COQ8A: variants seen among roughly 807,000 people sequenced by gnomAD.
COQ8A encodes the protein coenzyme Q8A.
COQ8A carries 51 observed loss-of-function variants against 65.0 expected under a neutral mutation model. That is an observed-to-expected ratio of 0.78 (90% confidence interval 0.63 to 0.99). COQ8A has a LOEUF of 0.99. Ranked by LOEUF, COQ8A falls within the 50% of genes least tolerant of loss-of-function variation. The pLI, the probability that COQ8A is intolerant of heterozygous loss-of-function variation, is 0.00. For missense variants in COQ8A, 940 were observed against 875.0 expected, an observed-to-expected ratio of 1.07 and a Z score of -0.94; for synonymous variants, 371 against 353.2, an observed-to-expected ratio of 1.05 and a Z score of -0.57.
intron 1 of COQ8A, among the ~76,000 whole-genome samples, chr1:226,956,520 T>C (rs1357611838): frequency 9.3e-6 from 1 of 107,136 alleles, no homozygotes; most frequent in African/African-American, 4.3e-5. Context: ...TCTCCCTGGC[T>C]CCCACTCCCT....
intron 1 of COQ8A, among the ~76,000 whole-genome samples, chr1:226,956,644 TG>T: frequency 1.1e-5 from 1 of 89,754 alleles, no homozygotes. Flanking sequence ...TCTCCCTGGC[TG>T]CCACTCTCCC....
At chr1:226,943,453 G>C (rs1325341382) in intron 1 of COQ8A, among the ~76,000 whole-genome samples, 2 of 152,196 alleles carry the variant, frequency 1.3e-5, no homozygotes, top group Non-Finnish European at 2.9e-5. Context: ...TGGAGGGGTG[G>C]GAGCCCCACG....
intron 2 of COQ8A, among the ~76,000 whole-genome samples, chr1:226,962,649 C>T (rs773723662): frequency 1.3e-5 from 2 of 152,196 alleles, no homozygotes; most frequent in South Asian, 2.1e-4. Flanking sequence ...GCTGTGAGGC[C>T]GTCGCAGCCC....
At chr1:226,982,409 T>G (rs1243216629) in intron 6 of COQ8A, 1 of 645,630 alleles carries the variant, frequency 1.5e-6, no homozygotes, top group South Asian at 2.0e-5. Context: ...TTACTATGTT[T>G]TATTTTCCAA....
chr1:226,977,873 C>G (rs1204467882), intron 5 of COQ8A, among the ~76,000 whole-genome samples: 1 of 151,354 alleles, frequency 6.6e-6, no homozygotes, highest in African/African-American at 2.4e-5. Context: ...CCACCGAACA[C>G]CCGCAGACCT....
At chr1:226,944,802 T>C (rs897927196) in intron 1 of COQ8A, among the ~76,000 whole-genome samples, 40 of 144,710 alleles carry the variant, frequency 2.8e-4, no homozygotes, top group African/African-American at 1.0e-3. Flanking sequence ...TGTGTGTGTA[T>C]GTGTAGAAGG....
intron 1 of COQ8A, among the ~76,000 whole-genome samples, chr1:226,955,436 C>G (rs1657635670): frequency 6.8e-6 from 1 of 147,212 alleles, no homozygotes; most frequent in Non-Finnish European, 1.5e-5. Context: ...CTCCCTGGTT[C>G]ACACTCTCCT....
intron 1 of COQ8A, among the ~76,000 whole-genome samples, chr1:226,942,462 A>G (rs982672015): frequency 1.3e-5 from 2 of 152,072 alleles, no homozygotes; most frequent in Non-Finnish European, 2.9e-5. Context: ...TCTCGGGGAT[A>G]CTGCAAGACT....
At chr1:226,976,487 G>T (rs889685953) in intron 4 of COQ8A, among the ~76,000 whole-genome samples, 1 of 152,126 alleles carries the variant, frequency 6.6e-6, no homozygotes, top group Non-Finnish European at 1.5e-5. Flanking sequence ...CTCCGAGGCC[G>T]GCTCATCGTG....
chr1:226,973,672 C>T (rs1659028723), intron 4 of COQ8A, among the ~76,000 whole-genome samples: 1 of 152,240 alleles, frequency 6.6e-6, no homozygotes, highest in South Asian at 2.1e-4. Flanking sequence ...CCTGTCCTCC[C>T]CTGAGGCTGG....
intron 1 of COQ8A, among the ~76,000 whole-genome samples, chr1:226,947,271 G>A (rs535179888): frequency 6.6e-6 from 1 of 152,302 alleles, no homozygotes; most frequent in South Asian, 2.1e-4. Flanking sequence ...GCCTGAGTCA[G>A]ACAGGTGTGG....
chr1:226,964,130 C>G (rs1210717277), intron 2 of COQ8A, among the ~76,000 whole-genome samples: 1 of 152,228 alleles, frequency 6.6e-6, no homozygotes, highest in Admixed American at 6.5e-5. Context: ...ATCCTGCTGT[C>G]TGCATACCCT....
chr1:226,952,422 TA>T (rs1235001863), intron 1 of COQ8A, among the ~76,000 whole-genome samples: 2 of 152,222 alleles, frequency 1.3e-5, no homozygotes, highest in African/African-American at 4.8e-5. Context: ...TCTTTTATTT[TA>T]TTTTTTTTGA....
intron 5 of COQ8A, among the ~76,000 whole-genome samples, chr1:226,978,478 C>T (rs1234263896): frequency 1.4e-5 from 2 of 146,760 alleles, no homozygotes; most frequent in African/African-American, 5.1e-5. Flanking sequence ...CACCAAATAC[C>T]TGCACACCTC....
At position 226,961,511 on chromosome 1, in the gene COQ8A, C is replaced by G; in HGVS notation, c.126C>G (p.Ala42=). Residue 42 remains alanine (A), a synonymous_variant, in exon 2 of 15, where the codon GCC becomes GCG. Coordinates refer to ENST00000366777, the MANE Select transcript of COQ8A (RefSeq NM_020247.5). ...GGGAGCTGATCATGGCGGCCAGGGC[C>G]CTGCAGTCCACGGCTGTGGAGCAGA... ...IGGELIMAAR[A]LQSTAVEQIG... The G allele has an allele frequency of 1.9e-6, 3 of 1,613,852 alleles. No homozygotes were observed. The African/African-American group carries it at 4.0e-5, about 21-fold the overall frequency.
chr1:226,965,581 G>A lies in COQ8A; in HGVS notation c.589-90G>A, dbSNP rs1365399172. The A allele has an allele frequency of 5.9e-6, 9 of 1,527,186 alleles. No homozygotes were observed. In the East Asian group the frequency reaches 1.6e-4, roughly 27 times the overall value. 94.6% of individuals were successfully genotyped at this position (1,527,186 alleles called of 1,614,324 possible). ...CAGGCGGAGCTGCTGACTGTGGGGT[G>A]GAGAGGAGATGTGGGGGCAACAGGA... is the stretch of plus-strand genomic sequence containing the variant. On this transcript the variant is annotated intron_variant, in intron 3 of 14. Coordinates refer to ENST00000366777, the MANE Select transcript of COQ8A (RefSeq NM_020247.5).
chr1:226,977,400 G>A (rs909881033), intron 4 of COQ8A, 49 bp from the exon 5 acceptor site: 1 of 1,531,984 alleles, frequency 6.5e-7, no homozygotes, highest in Non-Finnish European at 8.8e-7. Flanking sequence ...GCGAGCGGGT[G>A]GCCCCAGCCC....
At chr1:226,953,177 A>G (rs182936343) in intron 1 of COQ8A, among the ~76,000 whole-genome samples, 1 of 152,032 alleles carries the variant, frequency 6.6e-6, no homozygotes, top group Non-Finnish European at 1.5e-5. Flanking sequence ...TTACAGGCGC[A>G]TGCCACCACG....
In COQ8A at chr1:226,985,234, C is replaced by G. The variant is rs2297416; in HGVS notation, c.1573-20C>G. On this transcript the variant is annotated intron_variant, in intron 13 of 14. Coordinates refer to ENST00000366777, the MANE Select transcript of COQ8A (RefSeq NM_020247.5). ...GAGCTTTTCATGCTGCCCACGGTCC[C>G]CTCCTGTGCCTCTCCCCAGATCATC... The G allele has an allele frequency of 0.42, 681,731 of 1,611,684 alleles. 151,245 individuals are homozygous for G. Among genetic ancestry groups the G allele is most frequent in the Non-Finnish European group, 0.47 (551,428 of 1,179,062 alleles).
Sources: gnomAD v4.1 joint callset for allele counts (sites outside exome capture counted in the v4.1 genomes callset) on GRCh38, gnomAD v4.1.1 for gene constraint, MANE v1.5 for transcripts, NCBI Gene and HGNC (gene_info 2026-07-23, HGNC 2026-07-21) for gene names.